Variants in MBP observed in about 807,000 individuals in gnomAD.
The protein encoded by MBP is Golli-MBP.
In MBP, 16 loss-of-function variants were observed where a neutral mutation model predicts 35.8. That is an observed-to-expected ratio of 0.45 (90% CI 0.30 to 0.68). MBP has a LOEUF of 0.68. Among genes scored for constraint, MBP ranks in the 30% least tolerant of loss-of-function variants. MBP has a pLI of 0.08. For synonymous variants in MBP, 143 were observed against 159.6 expected (o/e 0.90, Z 0.78); for missense variants, 380 against 404.7 (o/e 0.94, Z 0.52).
At chr18:77,067,852 C>T (rs1974261655) in intron 2 of MBP, 1 of 512,230 alleles carries the variant, frequency 2.0e-6, no homozygotes, top group Non-Finnish European at 3.9e-6. Flanking sequence ...GCAGGCACAG[C>T]CATTAAGACC....
intron 2 of MBP, among the ~76,000 whole-genome samples, chr18:77,085,687 T>TTTTG (rs1555726858): frequency 4.0e-5 from 6 of 149,230 alleles, no homozygotes; most frequent in Non-Finnish European, 7.5e-5. Context: ...CAATAAGTTT[T>TTTTG]TTTTTTTTTT....
intron 1 of MBP, chr18:77,108,935 G>A (rs765828767): frequency 6.6e-6 from 1 of 152,186 alleles, no homozygotes; most frequent in African/African-American, 2.4e-5. Flanking sequence ...TTCCATCTGG[G>A]TGACCCCGAA....
chr18:77,093,469 T>C (rs919364842), intron 2 of MBP: 4 of 152,238 alleles, frequency 2.6e-5, no homozygotes, highest in African/African-American at 9.6e-5. Flanking sequence ...TTACGCCTTA[T>C]ATCTTTAATC....
At chr18:77,032,005 C>T (rs2123619342) in intron 3 of MBP, among the ~76,000 whole-genome samples, 1 of 152,332 alleles carries the variant, frequency 6.6e-6, no homozygotes, top group South Asian at 2.1e-4. Context: ...AGTGTGTTTT[C>T]TGGGGGTGGA....
chr18:77,052,925 C>A (rs1345487599), intron 3 of MBP, among the ~76,000 whole-genome samples: 1 of 152,224 alleles, frequency 6.6e-6, no homozygotes, highest in Non-Finnish European at 1.5e-5. Context: ...CCGTCCTAAC[C>A]TACTCCCTCC....
intron 3 of MBP, among the ~76,000 whole-genome samples, chr18:77,030,055 C>G (rs1029512491): frequency 1.3e-5 from 2 of 152,046 alleles, no homozygotes; most frequent in Non-Finnish European, 2.9e-5. Flanking sequence ...CACACGATTG[C>G]CTAAGGAAAT....
At chr18:76,998,583 C>T (rs1021171474) in intron 4 of MBP, among the ~76,000 whole-genome samples, 2 of 152,216 alleles carry the variant, frequency 1.3e-5, no homozygotes, top group African/African-American at 4.8e-5. Flanking sequence ...CTTTCCCCAA[C>T]AGCCTGAAGT....
chr18:77,012,795 G>T, intron 4 of MBP: 1 of 985,258 alleles, frequency 1.0e-6, no homozygotes, highest in Non-Finnish European at 1.2e-6. Flanking sequence ...CACTGTCCTT[G>T]GTCTGTTAAA....
chr18:76,985,306 G>C (rs955633265), intron 7 of MBP: 2 of 1,298,904 alleles, frequency 1.5e-6, no homozygotes, highest in Admixed American at 4.5e-5. Context: ...ACCCTGGGGG[G>C]CTGTGCGCTG....
rs918426973 is a variant in MBP at position 77,101,090 on chromosome 18, C to G, written c.51+4121G>C. ...AAAAAGGAATGAATTCCTCCAGTAG[C>G]CAGTGAAGCCAAGTGTCTTACGTCC... On this transcript the variant is annotated intron_variant, in intron 2 of 8. Coordinates refer to ENST00000355994, the MANE Select transcript of MBP (RefSeq NM_001025101.2). This position sits in a 1 kb window ranked among gnomAD's most constrained non-coding sequence, Gnocchi z 4.3. 1.8e-4 allele frequency among the ~76,000 whole-genome samples: 28 copies of G among 152,232 alleles called. No homozygotes were observed. Among genetic ancestry groups the G allele is most frequent in the African/African-American group, 6.8e-4 (28 of 41,458 alleles).
At chr18:77,076,446 A>G (rs1426894267) in intron 2 of MBP, among the ~76,000 whole-genome samples, 1 of 152,250 alleles carries the variant, frequency 6.6e-6, no homozygotes, top group Non-Finnish European at 1.5e-5. Flanking sequence ...GCACCTGCAG[A>G]GGGCTTGGGC....
chr18:77,017,532 G>A (rs1244799163), intron 3 of MBP: 3 of 337,056 alleles, frequency 8.9e-6, no homozygotes, highest in Non-Finnish European at 1.6e-5. Flanking sequence ...TCCCGATGAA[G>A]TCATCTGAGC....
At chr18:77,048,697 C>T (rs1385530321) in intron 3 of MBP, among the ~76,000 whole-genome samples, 2 of 152,096 alleles carry the variant, frequency 1.3e-5, no homozygotes, top group Non-Finnish European at 2.9e-5. Flanking sequence ...CTCCTGACCT[C>T]AGGTGATCCT....
At position 77,017,091 on chromosome 18, in the gene MBP, G is replaced by A. The variant is rs1178674592; in HGVS notation, c.317C>T (p.Thr106Ile). 1 of 1,605,248 alleles carries A rather than the reference G, an allele frequency of 6.2e-7. No homozygotes were observed. The change falls in exon 4 of 9, where the codon ACC becomes ATC. Residue 106 changes from threonine (T) to isoleucine (I), a missense_variant. Transcript: ENST00000355994. ...GGACTCAGAGGGCCTGTCTTTGAAG[G>A]TGTTGTCCTCCCTCCCCGGGGCATC... Reference protein sequence around the residue: ...SRDAPGREDNTFKDRPSESDE... With the variant: ...SRDAPGREDNIFKDRPSESDE...
chr18:77,052,031 G>A (rs1374698552), intron 3 of MBP, among the ~76,000 whole-genome samples: 2 of 152,174 alleles, frequency 1.3e-5, no homozygotes, highest in South Asian at 4.1e-4. Flanking sequence ...AAGCCGTGCG[G>A]CAGCACTGGA....
chr18:77,128,486 T>C (rs969381528), intron 1 of MBP, among the ~76,000 whole-genome samples: 4 of 150,154 alleles, frequency 2.7e-5, no homozygotes, highest in Non-Finnish European at 5.9e-5. Context: ...TCTACATGGG[T>C]GATAAAATTA....
intron 3 of MBP, among the ~76,000 whole-genome samples, chr18:77,018,829 C>A (rs1971833777): frequency 6.7e-6 from 1 of 149,458 alleles, no homozygotes; most frequent in African/African-American, 2.5e-5. Flanking sequence ...TCCATCCATC[C>A]ATATATCCAC....
intron 3 of MBP, among the ~76,000 whole-genome samples, chr18:77,033,993 G>A (rs11150994): frequency 0.11 from 15,785 of 145,708 alleles, 973 homozygotes; most frequent in East Asian, 0.26. Context: ...CCCCTCATCC[G>A]CAGTATGGTG....
At position 76,979,972 on chromosome 18, in the gene MBP, A is replaced by G. The variant is rs1568258630; in HGVS notation, c.*455T>C. ...TGAGAGAAGGACAGGAAAAAAAAAC[A>G]AAGGAAGCTTGGATGTCAACAGTCC... On this transcript the variant is annotated 3_prime_UTR_variant, in exon 9 of 9. Transcript: ENST00000355994. The G allele has an allele frequency of 1.4e-6, 1 of 702,400 alleles. No individual in the cohort carries two copies. 43.5% of individuals were successfully genotyped at this position (702,400 alleles called of 1,614,324 possible). A position where few individuals can be genotyped will look rare whatever the true frequency, so the allele number is the denominator to read the frequency against.
Sources: gnomAD v4.1 joint callset for allele counts (sites outside exome capture counted in the v4.1 genomes callset) on GRCh38, gnomAD v4.1.1 for gene constraint, Gnocchi (gnomAD v3.1) non-coding constraint, MANE v1.5 for transcripts, NCBI Gene and HGNC (gene_info 2026-07-23, HGNC 2026-07-21) for gene names.